The following FRMD3 variants were observed in gnomAD, a reference collection of about 807,000 sequenced individuals.
FRMD3 encodes the protein FERM domain containing 3.
In FRMD3, 33 loss-of-function variants were observed where a neutral mutation model predicts 70.2. That is an observed-to-expected ratio of 0.47 (90% CI 0.36 to 0.63). FRMD3 has a LOEUF of 0.63. FRMD3 is among the 20% of genes least tolerant of loss of function. FRMD3 has a pLI of 0.00. For synonymous variants in FRMD3, 279 were observed against 255.9 expected (o/e 1.09, Z -0.86); for missense variants, 632 against 711.4 (o/e 0.89, Z 1.27).
intron 1 of FRMD3, among the ~76,000 whole-genome samples, chr9:83,390,470 T>C (rs1306849861): frequency 2.6e-5 from 4 of 152,182 alleles, no homozygotes; most frequent in Non-Finnish European, 5.9e-5. Flanking sequence ...AAAGGCAGTG[T>C]GGGAGATTCA....
chr9:83,382,912 C>G (rs753880250), intron 2 of FRMD3, among the ~76,000 whole-genome samples: 4 of 152,130 alleles, frequency 2.6e-5, no homozygotes, highest in Non-Finnish European at 4.4e-5. Context: ...ACCTCAACTT[C>G]TCTCATGCAT....
At chr9:83,393,220 T>C (rs1825716558) in intron 1 of FRMD3, among the ~76,000 whole-genome samples, 1 of 152,248 alleles carries the variant, frequency 6.6e-6, no homozygotes, top group Non-Finnish European at 1.5e-5. Context: ...TTATTATCTA[T>C]AGTACACTGT....
chr9:83,406,175 G>T (rs149757979), intron 1 of FRMD3, among the ~76,000 whole-genome samples: 1 of 152,204 alleles, frequency 6.6e-6, no homozygotes, highest in East Asian at 1.9e-4. Context: ...GTAGTCCTCT[G>T]AGTCTTCTGC....
chr9:83,558,811 C>T, the FRMD3 span, among the ~76,000 whole-genome samples: 1 of 152,192 alleles, frequency 6.6e-6, no homozygotes, highest in Non-Finnish European at 1.5e-5. Context: ...TTTCAATCCA[C>T]ATGGATGACT....
chr9:83,514,528 G>C (rs1237434361), intron 1 of FRMD3, among the ~76,000 whole-genome samples: 2 of 152,196 alleles, frequency 1.3e-5, no homozygotes, highest in East Asian at 3.9e-4. Context: ...GGGTGGTTGT[G>C]GGCGCAGCTT....
intron 1 of FRMD3, among the ~76,000 whole-genome samples, chr9:83,488,354 G>T (rs569839242): frequency 1.3e-5 from 2 of 152,272 alleles, no homozygotes; most frequent in African/African-American, 2.4e-5. Flanking sequence ...TCTGCATTTT[G>T]TCCTGAGATA....
chr9:83,572,972 T>C, the FRMD3 span, among the ~76,000 whole-genome samples: 1 of 152,336 alleles, frequency 6.6e-6, no homozygotes, highest in East Asian at 1.9e-4. Flanking sequence ...TATAATACAG[T>C]GTTATTGAAC....
intron 1 of FRMD3, among the ~76,000 whole-genome samples, chr9:83,428,919 C>T (rs1826891043): frequency 6.6e-6 from 1 of 151,692 alleles, no homozygotes; most frequent in African/African-American, 2.4e-5. Context: ...CTAACCTTGC[C>T]CTTGATATGT....
chr9:83,255,088 T>C (rs1832638081), intron 13 of FRMD3, among the ~76,000 whole-genome samples: 1 of 152,118 alleles, frequency 6.6e-6, no homozygotes, highest in African/African-American at 2.4e-5. Flanking sequence ...AAAAGTAAAC[T>C]TCGGGCCAAT....
intron 1 of FRMD3, among the ~76,000 whole-genome samples, chr9:83,431,181 T>A (rs1432235012): frequency 6.6e-6 from 1 of 152,208 alleles, no homozygotes; most frequent in Non-Finnish European, 1.5e-5. Context: ...CGTGGATGTT[T>A]GAGAACATCA....
the FRMD3 span, among the ~76,000 whole-genome samples, chr9:83,584,085 C>T: frequency 6.6e-6 from 1 of 152,116 alleles, no homozygotes; most frequent in African/African-American, 2.4e-5. Context: ...CCTGTAATCC[C>T]AGCATTTTGG....
chr9:83,340,789 CT>C (rs1159960717), intron 5 of FRMD3, among the ~76,000 whole-genome samples: 3 of 152,144 alleles, frequency 2.0e-5, no homozygotes, highest in Non-Finnish European at 4.4e-5. Context: ...GAGACAAGGT[CT>C]TGTCTATGTT....
intron 13 of FRMD3, among the ~76,000 whole-genome samples, chr9:83,274,538 AG>A (rs1833730957): frequency 6.6e-6 from 1 of 152,248 alleles, no homozygotes; most frequent in South Asian, 2.1e-4. Flanking sequence ...AAAAAAGAAC[AG>A]CCAGAGCAAG....
intron 6 of FRMD3, among the ~76,000 whole-genome samples, chr9:83,320,785 G>C (rs926990589): frequency 2.0e-5 from 3 of 152,268 alleles, no homozygotes; most frequent in African/African-American, 7.2e-5. Flanking sequence ...GAATTCAGCT[G>C]TGAATCCATC....
chr9:83,259,337 T>A (rs1176227160), intron 13 of FRMD3, among the ~76,000 whole-genome samples: 1 of 152,154 alleles, frequency 6.6e-6, no homozygotes, highest in Non-Finnish European at 1.5e-5. Flanking sequence ...TCAGGGAAGA[T>A]CTTTGCTGAG....
At chr9:83,330,749 G>C (rs903324281) in intron 6 of FRMD3, among the ~76,000 whole-genome samples, 2 of 152,326 alleles carry the variant, frequency 1.3e-5, no homozygotes, top group East Asian at 3.9e-4. Context: ...CACTGCACTA[G>C]AGACCGTATG....
chr9:83,561,414 C>A, the FRMD3 span, among the ~76,000 whole-genome samples: 1 of 152,166 alleles, frequency 6.6e-6, no homozygotes, highest in Non-Finnish European at 1.5e-5. Flanking sequence ...ATTTACAGGG[C>A]GGCTGCTATG....
chr9:83,529,344 T>C (rs1248543232), intron 1 of FRMD3, among the ~76,000 whole-genome samples: 1 of 152,174 alleles, frequency 6.6e-6, no homozygotes. Flanking sequence ...GGATCAAATA[T>C]GGGAGTAGCT....
At chr9:83,359,526 T>C (rs1425314809) in intron 3 of FRMD3, among the ~76,000 whole-genome samples, 2 of 152,110 alleles carry the variant, frequency 1.3e-5, no homozygotes, top group African/African-American at 4.8e-5. Context: ...ATAAATATTT[T>C]CAACTTTGGA....
Sources: allele counts gnomAD v4.1 joint callset (sites outside exome capture counted in the v4.1 genomes callset), GRCh38; gene constraint gnomAD v4.1.1; transcripts MANE v1.5; gene names NCBI Gene and HGNC (gene_info 2026-07-23, HGNC 2026-07-21).